NANOGNB: variants seen among roughly 807,000 people sequenced by gnomAD.
NANOGNB encodes NANOG neighbor homeobox.
Under a neutral mutation model 25.0 loss-of-function variants are expected in NANOGNB, and 30 were observed. The ratio of observed to expected loss-of-function variants is 1.20; its 90% CI spans 0.90 to 1.63. The LOEUF is 1.63. Ranked by LOEUF, NANOGNB falls within the 40% of genes most tolerant of loss-of-function variation. The probability of loss-of-function intolerance (pLI) is 0.00; values close to 1 mark genes in which losing one functional copy is unlikely to be tolerated. For synonymous variants in NANOGNB, 84 were observed against 62.1 expected, an observed-to-expected ratio of 1.35 and a Z score of -1.66; for missense variants, 200 against 188.1, an observed-to-expected ratio of 1.06 and a Z score of -0.37.
intron 1 of NANOGNB, among the ~76,000 whole-genome samples, 199 bp downstream of exon 1, chr12:7,765,586 A>AAC (rs1865238952): frequency 7.7e-6 from 1 of 130,246 alleles, no homozygotes; most frequent in African/African-American, 2.8e-5. Context: ...AAAAAAAAAA[A>AAC]AAAGAAGTGG....
In NANOGNB at chr12:7,773,899, A is replaced by T. The variant is rs1406939623; in HGVS notation, c.*48A>T. 3.2e-6 allele frequency: 2 copies of T among 616,698 alleles called. No individual in the cohort carries two copies. The highest frequency in any genetic ancestry group is 3.9e-5 in the African/African-American group (2 of 50,998). The allele number at this position is 616,698 out of a possible 1,614,324, so 38.2% of individuals were successfully genotyped here. A position where few individuals can be genotyped will look rare whatever the true frequency, so the allele number is the denominator to read the frequency against. ...AATGCTGTGATTACAAGCATGAGCC[A>T]TCGCACTGGCTAAGACATTTTACAT... On this transcript the variant is annotated 3_prime_UTR_variant, in exon 4 of 4. Coordinates refer to ENST00000382119, the MANE Select transcript of NANOGNB (RefSeq NM_001145465.1).
intron 1 of NANOGNB, among the ~76,000 whole-genome samples, chr12:7,767,382 T>G (rs1326581096): frequency 3.0e-5 from 2 of 67,354 alleles, no homozygotes; most frequent in Admixed American, 1.7e-4. Context: ...TACAAGAGGG[T>G]TTTTTTTTTT....
In NANOGNB at chr12:7,774,102, G is replaced by GA. The variant is rs533703331; in HGVS notation, c.*259dup. ...ATGGATGTTAATTGATTTTATTTAA[G>GA]AAAAAAAATCGAGTCAAGGCCGGGC... On this transcript the variant is annotated 3_prime_UTR_variant, in exon 4 of 4. Coordinates refer to ENST00000382119, the MANE Select transcript of NANOGNB (RefSeq NM_001145465.1). The GA allele has an allele frequency of 3.6e-5, 10 of 274,612 alleles. No individual in the cohort carries two copies. The highest frequency in any genetic ancestry group is 4.0e-5 in the Non-Finnish European group (6 of 149,160). The allele number at this position is 274,612 out of a possible 1,614,324, so 17.0% of individuals were successfully genotyped here.
rs185115985 is a variant in NANOGNB, at chr12:7,773,167, C to T, written c.516-633C>T. Among the ~76,000 whole-genome samples, 172 of 145,026 alleles carry T rather than the reference C, an allele frequency of 1.2e-3. 1 individual carries two copies. Among genetic ancestry groups the T allele is most frequent in the African/African-American group, 4.2e-3 (166 of 39,314 alleles). ...GATGGGGGTCTCACTATGCTGCCCA[C>T]GCTGGTCTCAAACTCCCAGGTTACA... On this transcript the variant is annotated intron_variant, in intron 3 of 3. Transcript: ENST00000382119.
At chr12:7,767,879 A>AT (rs1228797207) in intron 1 of NANOGNB, among the ~76,000 whole-genome samples, 27 of 148,760 alleles carry the variant, frequency 1.8e-4, no homozygotes, top group Admixed American at 1.3e-3. Context: ...CTCTCACCTC[A>AT]TTTTTTTATT....
At chr12:7,773,330 A>C (rs1862602692) in intron 3 of NANOGNB, among the ~76,000 whole-genome samples, 1 of 151,764 alleles carries the variant, frequency 6.6e-6, no homozygotes. Flanking sequence ...AAATTTTAAA[A>C]TGTATTTTAG....
At chr12:7,766,977 A>G (rs937897649) in intron 1 of NANOGNB, among the ~76,000 whole-genome samples, 1 of 151,854 alleles carries the variant, frequency 6.6e-6, no homozygotes, top group East Asian at 2.0e-4. Flanking sequence ...AGTAGCTGGG[A>G]CTACAGGCGT....
At chr12:7,766,556 G>GA (rs1175986039) in intron 1 of NANOGNB, among the ~76,000 whole-genome samples, 2 of 152,180 alleles carry the variant, frequency 1.3e-5, no homozygotes, top group African/African-American at 4.8e-5. Context: ...ATGGGGATGG[G>GA]AAATTGGCCA....
chr12:7,773,790 TTTTA>T lies in NANOGNB; in HGVS notation c.516-9_516-6del. 1.5e-6 allele frequency: 1 copy of T among 646,130 alleles called. No individual in the cohort carries two copies. Among genetic ancestry groups the T allele is most frequent in the Non-Finnish European group, 2.7e-6 (1 of 365,130 alleles). The allele number at this position is 646,130 out of a possible 1,614,324, so 40.0% of individuals were successfully genotyped here. A position where few individuals can be genotyped will look rare whatever the true frequency, so the allele number is the denominator to read the frequency against. The stretch of plus-strand genomic sequence containing the variant: ...GCGAAACTCTTTTTTTTTTTTTTTT[TTTTA>T]AACAGATGGAGATCTCTGTGTTGCC... On this transcript the variant is annotated splice_polypyrimidine_tract_variant and splice_region_variant and intron_variant, in intron 3 of 3. Transcript: ENST00000382119.
rs1484039355 is a variant in NANOGNB, at chr12:7,769,963, C to G, written c.103-20C>G. On this transcript the variant is annotated intron_variant, in intron 1 of 3. Coordinates refer to ENST00000382119, the MANE Select transcript of NANOGNB (RefSeq NM_001145465.1). ...AATTTAGCTGCAGCTTGATTTTATT[C>G]CACGGATCTTTTTATACAGAAACAA... The G allele has an allele frequency of 2.7e-5, 40 of 1,474,718 alleles. No individual in the cohort carries two copies. Among genetic ancestry groups the G allele is most frequent in the Non-Finnish European group, 3.6e-5 (40 of 1,113,854 alleles). 91.4% of individuals were successfully genotyped at this position (1,474,718 alleles called of 1,614,324 possible). A position where few individuals can be genotyped will look rare whatever the true frequency, so the allele number is the denominator to read the frequency against.
At chr12:7,770,359 C>T (rs1865282275) in intron 2 of NANOGNB, 44 bp downstream of exon 2, 1 of 1,518,046 alleles carries the variant, frequency 6.6e-7, no homozygotes. Flanking sequence ...TAGACAAAGT[C>T]ACTTGTATAG....
intron 3 of NANOGNB, among the ~76,000 whole-genome samples, chr12:7,771,057 A>G (rs1040627898): frequency 6.6e-6 from 1 of 152,230 alleles, no homozygotes. Context: ...GTACAAATAC[A>G]GACATTAGCT....
intron 1 of NANOGNB, among the ~76,000 whole-genome samples, chr12:7,766,884 A>G (rs1865250975): frequency 6.6e-6 from 1 of 152,172 alleles, no homozygotes; most frequent in Admixed American, 6.5e-5. Flanking sequence ...TCTGTTGCCC[A>G]GGCTGGAGCA....
intron 3 of NANOGNB, 48 bp downstream of exon 3, chr12:7,770,566 T>G: frequency 5.2e-6 from 6 of 1,158,588 alleles, no homozygotes; most frequent in Non-Finnish European, 7.4e-6. Flanking sequence ...AGGAATATAT[T>G]GACTTCCGGA....
At position 7,765,374 on chromosome 12, in the gene NANOGNB, T is replaced by A. The variant is rs1209208359; in HGVS notation, c.89T>A (p.Ile30Asn). 4.0e-6 allele frequency: 2 copies of A among 503,806 alleles called. No homozygotes were observed. Among genetic ancestry groups the A allele is most frequent in the Non-Finnish European group, 6.7e-6 (2 of 296,402 alleles). 31.2% of individuals were successfully genotyped at this position (503,806 alleles called of 1,614,324 possible). Reference sequence around the variant, plus strand: ...TCACGAGGTCAGGAAATCGAGACCATCTTGGCTAACAAGGTAAAACCCCGT... The same window carrying A: ...TCACGAGGTCAGGAAATCGAGACCAACTTGGCTAACAAGGTAAAACCCCGT... ...GRSRGQEIET[I>N]LANKKQSAMP... The change falls in exon 1 of 4, where the codon ATC (isoleucine) becomes AAC (asparagine). Residue 30 changes from isoleucine (I) to asparagine (N), a missense_variant. By Grantham distance (149) the Ile-to-Asn change is moderately radical. Coordinates refer to ENST00000382119, the MANE Select transcript of NANOGNB (RefSeq NM_001145465.1).
At chr12:7,773,482 C>T (rs1314270671) in intron 3 of NANOGNB, among the ~76,000 whole-genome samples, 1 of 143,976 alleles carries the variant, frequency 6.9e-6, no homozygotes, top group Non-Finnish European at 1.5e-5. Flanking sequence ...AGGTGGATCA[C>T]CTGAGGTCAG....
intron 1 of NANOGNB, among the ~76,000 whole-genome samples, chr12:7,766,485 C>G (rs1565470876): frequency 1.3e-5 from 2 of 152,146 alleles, no homozygotes; most frequent in Non-Finnish European, 2.9e-5. Context: ...CAAAACAAAA[C>G]AGCAAACAAA....
At position 7,770,115 on chromosome 12, in the gene NANOGNB, G is replaced by A. The variant is rs1865278548; in HGVS notation, c.235G>A (p.Glu79Lys). The change falls in exon 2 of 4, where the codon GAA (glutamate) becomes AAA (lysine). Residue 79 changes from glutamate to lysine, a missense_variant. Physicochemically the swap from Glu to Lys is moderately conservative, Grantham distance 56. Coordinates refer to ENST00000382119, the MANE Select transcript of NANOGNB (RefSeq NM_001145465.1). ...AGRKREREKE[E>K]KNEKELQDEQ... ...CAGAAAGAGAGAACGAGAAAAAGAA[G>A]AAAAAAACGAAAAGGAGCTGCAAGA... The A allele has an allele frequency of 6.5e-7, 1 of 1,541,972 alleles. No individual in the cohort carries two copies.
chr12:7,773,850 G>C lies in NANOGNB; in HGVS notation c.566G>C (p.Ter189SerextTer25), dbSNP rs1471546293. Reference sequence around the variant, plus strand: ...TGGTCTCGAACTCCTGCCCTCAAGTGATCTTCCTATTTTGGCCTCCAGAAA... The same window carrying C: ...TGGTCTCGAACTCCTGCCCTCAAGTCATCTTCCTATTTTGGCCTCCAGAAA... ...QGWSRTPALK* is the reference protein window; with the variant it reads ...QGWSRTPALKS The change falls in exon 4 of 4, where the codon TGA (stop) becomes TCA (serine). Residue 189 changes from the stop codon to serine (S), a stop_lost. Coordinates refer to ENST00000382119, the MANE Select transcript of NANOGNB (RefSeq NM_001145465.1). 4.9e-6 allele frequency: 3 copies of C among 606,400 alleles called. No individual in the cohort carries two copies. 37.6% of individuals were successfully genotyped at this position (606,400 alleles called of 1,614,324 possible).
Sources: gnomAD v4.1 joint callset for allele counts (sites outside exome capture counted in the v4.1 genomes callset) on GRCh38, gnomAD v4.1.1 for gene constraint, MANE v1.5 for transcripts, NCBI Gene and HGNC (gene_info 2026-07-23, HGNC 2026-07-21) for gene names.